CERS6: variants seen among roughly 807,000 people sequenced by gnomAD.
CERS6 encodes LAG1 homolog, ceramide synthase 6.
Under a neutral mutation model 56.8 loss-of-function variants are expected in CERS6, and 26 were observed. The ratio of observed to expected loss-of-function variants is 0.46; its 90% confidence interval spans 0.34 to 0.63. The LOEUF is 0.63. CERS6 is among the 30% of genes least tolerant of loss of function. The pLI, the probability that CERS6 is intolerant of heterozygous loss-of-function variation, is 0.01. For missense variants in CERS6, 415 were observed against 467.5 expected (o/e 0.89, Z 1.04); for synonymous variants, 164 against 173.3 (o/e 0.95, Z 0.42).
intron 8 of CERS6, 92 bp downstream of exon 8, chr2:168,718,070 C>A: frequency 2.2e-6 from 2 of 891,472 alleles, no homozygotes; most frequent in Non-Finnish European, 1.8e-6. Flanking sequence ...TAAGTATTTA[C>A]AGGTTTAAAT....
intron 4 of CERS6, among the ~76,000 whole-genome samples, chr2:168,686,539 C>A (rs998898616): frequency 1.3e-5 from 2 of 151,842 alleles, no homozygotes; most frequent in Admixed American, 1.3e-4. Context: ...AACTGGTTAC[C>A]CATCTGGACC....
At chr2:168,486,524 G>GTT (rs760111727) in intron 1 of CERS6, among the ~76,000 whole-genome samples, 78 of 120,100 alleles carry the variant, frequency 6.5e-4, no homozygotes, top group African/African-American at 1.2e-3. Context: ...ATTTGGTTTT[G>GTT]TTTTTTTTTT....
At chr2:168,500,578 G>A (rs1694561692) in intron 1 of CERS6, among the ~76,000 whole-genome samples, 1 of 152,200 alleles carries the variant, frequency 6.6e-6, no homozygotes, top group Admixed American at 6.5e-5. Context: ...CATATATTGG[G>A]TTAGGGGGAC....
intron 4 of CERS6, among the ~76,000 whole-genome samples, chr2:168,650,434 C>A (rs1056687517): frequency 3.3e-5 from 5 of 152,202 alleles, no homozygotes; most frequent in Non-Finnish European, 7.3e-5. Context: ...CTGCTCTGAA[C>A]ATTGAGAGTG....
intron 9 of CERS6, among the ~76,000 whole-genome samples, chr2:168,768,239 GT>G (rs557076210): frequency 1.9e-4 from 27 of 144,186 alleles, no homozygotes; most frequent in South Asian, 4.5e-4. Context: ...GTTTTGTTTT[GT>G]TTTTTTTTTT....
chr2:168,586,339 A>G (rs1314617579), intron 3 of CERS6, among the ~76,000 whole-genome samples: 2 of 152,140 alleles, frequency 1.3e-5, no homozygotes, highest in East Asian at 1.9e-4. Flanking sequence ...TCCTTTGCCC[A>G]TTATAAAACA....
chr2:168,644,041 T>C (rs1019041877), intron 4 of CERS6: 6 of 961,468 alleles, frequency 6.2e-6, no homozygotes, highest in South Asian at 4.8e-5. Flanking sequence ...AGAACTGATA[T>C]AGCATAAAAA....
At chr2:168,491,723 C>T (rs1694377524) in intron 1 of CERS6, among the ~76,000 whole-genome samples, 2 of 152,008 alleles carry the variant, frequency 1.3e-5, no homozygotes, top group African/African-American at 4.8e-5. Flanking sequence ...TGGTGGTTTG[C>T]TGCACCCATC....
intron 9 of CERS6, among the ~76,000 whole-genome samples, chr2:168,768,215 G>GT (rs1039953947): frequency 4.6e-5 from 7 of 151,152 alleles, no homozygotes; most frequent in African/African-American, 1.5e-4. Flanking sequence ...ATGGGAGCCA[G>GT]TTTTTTTTGT....
rs763042459 is a variant in CERS6, at chr2:168,561,303, A to G, written c.388A>G (p.Thr130Ala). Residue 130 changes from threonine (T) to alanine (A), a missense_variant, in exon 3 of 10, where the codon ACG becomes GCG. Physicochemically the swap from Thr to Ala is moderately conservative, Grantham distance 58. Coordinates refer to ENST00000305747, the MANE Select transcript of CERS6 (RefSeq NM_203463.3). Reference sequence around the variant, plus strand: ...CAATCAGGAGAAGCCAAGCACGCTGACGAGGTTCTGTGAGAGCATGTAAGT... The same window carrying G: ...CAATCAGGAGAAGCCAAGCACGCTGGCGAGGTTCTGTGAGAGCATGTAAGT... The part of the protein sequence containing the change: ...RRNQEKPSTL[T>A]RFCESMWRFS... 2 of 1,614,128 alleles carry G rather than the reference A, an allele frequency of 1.2e-6. No individual in the cohort carries two copies. Among genetic ancestry groups the G allele is most frequent in the Non-Finnish European group, 1.7e-6 (2 of 1,179,986 alleles).
chr2:168,667,570 G>A (rs938974873), intron 4 of CERS6, among the ~76,000 whole-genome samples: 4 of 151,934 alleles, frequency 2.6e-5, no homozygotes, highest in Admixed American at 6.6e-5. Flanking sequence ...GCTATTAGGC[G>A]GCTTTTTTTC....
chr2:168,624,741 C>T (rs1287977787), intron 3 of CERS6, among the ~76,000 whole-genome samples: 1 of 152,076 alleles, frequency 6.6e-6, no homozygotes, highest in East Asian at 1.9e-4. Flanking sequence ...AATACGGAAA[C>T]CTCATTGGAA....
At chr2:168,686,011 TAAG>T (rs1686340360) in intron 4 of CERS6, among the ~76,000 whole-genome samples, 1 of 149,838 alleles carries the variant, frequency 6.7e-6, no homozygotes, top group African/African-American at 2.5e-5. Flanking sequence ...TAATAGCTAA[TAAG>T]CACCATTTAT....
intron 8 of CERS6, among the ~76,000 whole-genome samples, chr2:168,734,185 G>A (rs573820060): frequency 6.6e-6 from 1 of 152,282 alleles, no homozygotes; most frequent in African/African-American, 2.4e-5. Flanking sequence ...TATAGGAGGT[G>A]TGGGCGGTGA....
chr2:168,599,343 C>T (rs1265910050), intron 3 of CERS6, among the ~76,000 whole-genome samples: 4 of 152,048 alleles, frequency 2.6e-5, no homozygotes, highest in African/African-American at 9.7e-5. Context: ...GGTGATTATC[C>T]TAGAAATGCT....
intron 5 of CERS6, 106 bp from the exon 6 acceptor site, chr2:168,694,853 A>G (rs1332799258): frequency 3.8e-6 from 3 of 798,748 alleles, no homozygotes; most frequent in South Asian, 3.2e-5. Flanking sequence ...GCCTTTGTGC[A>G]GGTGCAAGAC....
intron 6 of CERS6, among the ~76,000 whole-genome samples, chr2:168,697,343 T>A (rs1026559755): frequency 6.6e-6 from 1 of 152,154 alleles, no homozygotes; most frequent in Non-Finnish European, 1.5e-5. Flanking sequence ...ATTTACGGAC[T>A]CTTTAGTGAT....
chr2:168,493,224 C>T (rs1317133569), intron 1 of CERS6, among the ~76,000 whole-genome samples: 2 of 152,070 alleles, frequency 1.3e-5, no homozygotes, highest in Non-Finnish European at 2.9e-5. Flanking sequence ...TCTTTCAGAT[C>T]AGCCCCAGTA....
At chr2:168,645,109 AAAAAAAAATATAT>A (rs1685147633) in intron 4 of CERS6, among the ~76,000 whole-genome samples, 1 of 67,332 alleles carries the variant, frequency 1.5e-5, no homozygotes, top group Non-Finnish European at 2.9e-5. Flanking sequence ...AAAAAAAAAA[AAAAAAAAATATAT>A]ATATATATAT....
Sources: gnomAD v4.1 joint callset for allele counts (sites outside exome capture counted in the v4.1 genomes callset) on GRCh38, gnomAD v4.1.1 for gene constraint, MANE v1.5 for transcripts, NCBI Gene and HGNC (gene_info 2026-07-23, HGNC 2026-07-21) for gene names.